The following MEGF11 variants were observed in gnomAD, a reference collection of about 807,000 sequenced individuals.
The protein encoded by MEGF11 is multiple epidermal growth factor-like domains protein 11.
A neutral mutation model predicts 146.6 loss-of-function variants in MEGF11; 126 were observed. The observed-to-expected ratio is 0.86, with a 90% CI of 0.74 to 1.00. The LOEUF (loss-of-function observed/expected upper bound fraction) is 1.00. Ranked by LOEUF, MEGF11 falls within the 50% of genes least tolerant of loss-of-function variation. The pLI, the probability that MEGF11 is intolerant of heterozygous loss-of-function variation, is 0.00. For missense variants in MEGF11, 1,509 were observed against 1,521.2 expected (o/e 0.99, Z 0.13); for synonymous variants, 532 against 583.4 (o/e 0.91, Z 1.27).
chr15:66,141,281 T>A (rs144672551), intron 1 of MEGF11, among the ~76,000 whole-genome samples: 2,730 of 97,426 alleles, frequency 0.028, 76 homozygotes, highest in African/African-American at 0.065. Flanking sequence ...TGTGTGTGTG[T>A]GTGTGTGTGA....
chr15:66,167,682 C>CA (rs1567270289), intron 1 of MEGF11, among the ~76,000 whole-genome samples: 1 of 140,506 alleles, frequency 7.1e-6, no homozygotes, highest in Non-Finnish European at 1.6e-5. Context: ...AACAAACAAA[C>CA]AAAAAAGAAG....
At chr15:66,072,085 C>T (rs1597053163) in intron 5 of MEGF11, among the ~76,000 whole-genome samples, 2 of 152,334 alleles carry the variant, frequency 1.3e-5, no homozygotes, top group East Asian at 3.9e-4. Context: ...GCCTTCGCGT[C>T]CCCAGCCGCC....
chr15:65,929,263 G>C (rs1201753073), intron 12 of MEGF11, among the ~76,000 whole-genome samples: 1 of 152,184 alleles, frequency 6.6e-6, no homozygotes, highest in Non-Finnish European at 1.5e-5. Flanking sequence ...AGTCTGGGTG[G>C]TTATTATTGA....
chr15:66,113,468 G>A (rs537316727), intron 4 of MEGF11, among the ~76,000 whole-genome samples: 12 of 152,320 alleles, frequency 7.9e-5, no homozygotes, highest in East Asian at 3.9e-4. Context: ...AACAGGAGAC[G>A]GGGAATTGGG....
At chr15:66,086,819 T>C (rs980567611) in intron 5 of MEGF11, among the ~76,000 whole-genome samples, 2 of 152,168 alleles carry the variant, frequency 1.3e-5, no homozygotes, top group Non-Finnish European at 2.9e-5. Flanking sequence ...AATGCAACGG[T>C]ACCTCACATT....
At chr15:66,246,541 G>A (rs60133982) in intron 1 of MEGF11, among the ~76,000 whole-genome samples, 5,825 of 152,058 alleles carry the variant, frequency 0.038, 375 homozygotes, top group African/African-American at 0.13. Context: ...AGTGGCTCAC[G>A]CCTGTAATCT....
intron 1 of MEGF11, among the ~76,000 whole-genome samples, chr15:66,244,438 A>G (rs966001678): frequency 6.6e-6 from 1 of 152,200 alleles, no homozygotes; most frequent in Non-Finnish European, 1.5e-5. Flanking sequence ...GATGCAGCAA[A>G]GCAGTGGGGC....
rs184903698 is a variant in MEGF11, at chr15:66,021,631, C to T, written c.395-39143G>A. 6.1e-3 allele frequency among the ~76,000 whole-genome samples: 935 copies of T among 152,256 alleles called. 9 individuals are homozygous for T. The highest frequency in any genetic ancestry group is 6.4e-3 in the Non-Finnish European group (438 of 68,020). On this transcript the variant is annotated intron_variant, in intron 5 of 25. Coordinates refer to ENST00000395614, the MANE Select transcript of MEGF11 (RefSeq NM_001385028.1). The stretch of plus-strand genomic sequence containing the variant: ...GAGACGGAAATTCAGCAGCCAGTGC[C>T]CGGGGCTCAAGCCCAAATGCTTTTC...
At chr15:66,243,169 C>T (rs1262481773) in intron 1 of MEGF11, among the ~76,000 whole-genome samples, 1 of 152,226 alleles carries the variant, frequency 6.6e-6, no homozygotes, top group East Asian at 1.9e-4. Context: ...CTCGGTTTCC[C>T]CATTTGCCCC....
rs960468155 is a variant in MEGF11, at chr15:65,909,009, G to A, written c.2998+25C>T. Reference sequence around the variant, plus strand: ...GCTGGGTCTGGTCTGGCATGAGGGGGTGGAGGGTAGGGCTGGGGTCTGACC... The same window carrying A: ...GCTGGGTCTGGTCTGGCATGAGGGGATGGAGGGTAGGGCTGGGGTCTGACC... On this transcript the variant is annotated intron_variant, in intron 23 of 25. Transcript: ENST00000395614. 2.9e-5 allele frequency: 42 copies of A among 1,463,404 alleles called. No individual in the cohort carries two copies. The African/African-American group carries it at 4.9e-4, about 17-fold the overall frequency. The allele number at this position is 1,463,404 out of a possible 1,614,324, so 90.7% of individuals were successfully genotyped here.
intron 5 of MEGF11, among the ~76,000 whole-genome samples, chr15:66,047,532 T>C (rs1403757447): frequency 2.0e-5 from 3 of 152,214 alleles, no homozygotes; most frequent in African/African-American, 4.8e-5. Context: ...TCCCCAGTCT[T>C]TATGATGGCC....
chr15:65,907,786 A>C (rs1209068517), intron 23 of MEGF11, among the ~76,000 whole-genome samples: 1 of 152,252 alleles, frequency 6.6e-6, no homozygotes, highest in East Asian at 1.9e-4. Context: ...CCAAAGAGCA[A>C]CAGTGGCTTG....
At chr15:65,933,392 A>G (rs2141323185) in intron 10 of MEGF11, among the ~76,000 whole-genome samples, 1 of 152,130 alleles carries the variant, frequency 6.6e-6, no homozygotes, top group African/African-American at 2.4e-5. Flanking sequence ...AGTGTCCCAA[A>G]CCCTGATCTC....
At chr15:66,007,128 A>G (rs2082544126) in intron 5 of MEGF11, among the ~76,000 whole-genome samples, 1 of 152,200 alleles carries the variant, frequency 6.6e-6, no homozygotes, top group Non-Finnish European at 1.5e-5. Flanking sequence ...GAGTGTGCTA[A>G]CTTAGGAAGA....
intron 1 of MEGF11, among the ~76,000 whole-genome samples, chr15:66,186,610 C>T (rs1466018847): frequency 6.6e-6 from 1 of 152,220 alleles, no homozygotes; most frequent in Non-Finnish European, 1.5e-5. Flanking sequence ...ATCTCTCGAG[C>T]CCCGGGCTGT....
chr15:65,968,414 G>A (rs570412230), intron 8 of MEGF11, among the ~76,000 whole-genome samples: 1 of 152,278 alleles, frequency 6.6e-6, no homozygotes, highest in South Asian at 2.1e-4. Context: ...GCTCCCTCCT[G>A]CTTAGCAGGA....
chr15:65,996,175 C>T (rs995352433), intron 5 of MEGF11, among the ~76,000 whole-genome samples: 1 of 152,206 alleles, frequency 6.6e-6, no homozygotes. Flanking sequence ...AATAAAGACA[C>T]TAGCACTGGA....
chr15:65,951,851 A>T (rs1477441816), intron 10 of MEGF11, among the ~76,000 whole-genome samples: 3 of 151,440 alleles, frequency 2.0e-5, no homozygotes, highest in Non-Finnish European at 1.5e-5. Flanking sequence ...TTTTTTTTTT[A>T]AATAGCTGGG....
At chr15:66,129,163 TA>T (rs1247842302) in intron 1 of MEGF11, among the ~76,000 whole-genome samples, 1 of 152,160 alleles carries the variant, frequency 6.6e-6, no homozygotes, top group Non-Finnish European at 1.5e-5. Context: ...CTTGCTTCAC[TA>T]AATTGGGGTC....
Sources: allele counts gnomAD v4.1 joint callset (sites outside exome capture counted in the v4.1 genomes callset), GRCh38; gene constraint gnomAD v4.1.1; transcripts MANE v1.5; gene names NCBI Gene and HGNC (gene_info 2026-07-23, HGNC 2026-07-21).